Variants in ZFHX4 observed in about 807,000 individuals in gnomAD.
ZFHX4 encodes zinc finger homeobox protein 4.
Under a neutral mutation model 267.6 loss-of-function variants are expected in ZFHX4, and 56 were observed. That is an observed-to-expected ratio of 0.21 (90% CI 0.17 to 0.26). The LOEUF is 0.26. Among genes scored for constraint, ZFHX4 ranks in the 10% least tolerant of loss-of-function variants. The pLI is 1.00. For missense variants in ZFHX4, 4,332 were observed against 4,420.0 expected, an observed-to-expected ratio of 0.98 and a Z score of 0.56; for synonymous variants, 1,778 against 1,665.6, an observed-to-expected ratio of 1.07 and a Z score of -1.64.
intron 4 of ZFHX4, among the ~76,000 whole-genome samples, chr8:76,805,574 G>T (rs951848536): frequency 6.7e-6 from 1 of 150,212 alleles, no homozygotes; most frequent in Non-Finnish European, 1.5e-5. Context: ...TGTCCTTGGT[G>T]TGAATGACAC....
rs777298324 is a variant in ZFHX4 at position 76,854,015 on chromosome 8, C to T, written c.7094C>T (p.Thr2365Ile). 6.8e-6 allele frequency: 11 copies of T among 1,613,806 alleles called. No individual in the cohort carries two copies. The highest frequency in any genetic ancestry group is 4.0e-5 in the African/African-American group (3 of 74,890). The change falls in exon 10 of 11, where the codon ACA becomes ATA. Residue 2365 changes from threonine to isoleucine, a missense_variant. By Grantham distance (89) the Thr-to-Ile change is moderately conservative. Around this residue, in one of 7 missense-constraint regions of ZFHX4, gnomAD observed 1,648 missense variants for 1,625.0 expected, o/e 1.01. Coordinates refer to ENST00000651372, the MANE Select transcript of ZFHX4 (RefSeq NM_024721.5). ...ATDQVVYKHC[T>I]VSGQTDAAKN... is the part of the protein sequence containing the mutation. ...GATCAAGTGGTATACAAGCATTGCA[C>T]AGTGTCTGGCCAAACGGATGCAGCT...
chr8:76,709,098 A>G (rs1808355297), intron 3 of ZFHX4, among the ~76,000 whole-genome samples: 1 of 152,190 alleles, frequency 6.6e-6, no homozygotes, highest in Non-Finnish European at 1.5e-5. Flanking sequence ...TTCTAACACT[A>G]TTTAAAATTA....
intron 3 of ZFHX4, among the ~76,000 whole-genome samples, chr8:76,757,806 C>T (rs1011882618): frequency 6.6e-5 from 10 of 152,002 alleles, no homozygotes; most frequent in Admixed American, 2.0e-4. Flanking sequence ...TAAAGATGAG[C>T]GTGGGAGTAG....
chr8:76,735,852 G>A (rs1809145464), intron 3 of ZFHX4, among the ~76,000 whole-genome samples: 1 of 151,986 alleles, frequency 6.6e-6, no homozygotes, highest in South Asian at 2.1e-4. Context: ...TTCTTTCAAG[G>A]TAATTTAGTG....
Position 76,850,234 on chromosome 8 carries a change from G to A in ZFHX4, c.3847-11G>A, listed in dbSNP as rs778443634. On this transcript the variant is annotated splice_polypyrimidine_tract_variant and intron_variant, in intron 8 of 10. Transcript: ENST00000651372. ...GGGTACATTTAACATAAACCCCTTT[G>A]GTTTCCAAAGGTGCCTGTCCCTGAT... 11 of 1,604,492 alleles carry A rather than the reference G, an allele frequency of 6.9e-6. No individual in the cohort carries two copies. The highest frequency in any genetic ancestry group is 9.4e-6 in the Non-Finnish European group (11 of 1,174,786).
At chr8:76,863,042 C>A (rs1554576963) in intron 10 of ZFHX4, 52 bp from the exon 11 acceptor site, 2 of 1,455,804 alleles carry the variant, frequency 1.4e-6, no homozygotes, top group Non-Finnish European at 9.1e-7. Flanking sequence ...ATACAGCCTT[C>A]CGATGTTGGT....
rs202188141 is a variant in ZFHX4, at chr8:76,851,012, G to T, written c.4091G>T (p.Ser1364Ile). ...PLEVSEWNKN[S>I]SKDVKIPDTL... ...GAAGTCTCAGAATGGAATAAAAATA[G>T]CAGTAAGGATGTGAAAATCCCCGAC... The change falls in exon 10 of 11, where the codon AGC becomes ATC. Residue 1364 changes from serine (S) to isoleucine (I), a missense_variant. Physicochemically the swap from Ser to Ile is moderately radical, Grantham distance 142. This residue lies in a region of ZFHX4 where 1,371 missense variants were observed against 1,423.1 expected (regional missense o/e 0.96). Coordinates refer to ENST00000651372, the MANE Select transcript of ZFHX4 (RefSeq NM_024721.5). The T allele has an allele frequency of 2.6e-4, 414 of 1,613,914 alleles. No individual in the cohort carries two copies. The highest frequency in any genetic ancestry group is 1.3e-3 in the South Asian group (117 of 91,084).
chr8:76,810,103 A>C (rs2131842918), intron 4 of ZFHX4, among the ~76,000 whole-genome samples: 1 of 152,332 alleles, frequency 6.6e-6, no homozygotes, highest in East Asian at 1.9e-4. Context: ...GATGCCACAT[A>C]GTTTTAACAT....
intron 4 of ZFHX4, among the ~76,000 whole-genome samples, chr8:76,821,545 T>C (rs1020599326): frequency 6.6e-6 from 1 of 151,002 alleles, no homozygotes; most frequent in African/African-American, 2.4e-5. Context: ...TTTTTTTCAC[T>C]AGGCTGTCTA....
intron 3 of ZFHX4, among the ~76,000 whole-genome samples, chr8:76,739,602 C>A (rs1809262082): frequency 6.6e-6 from 1 of 151,642 alleles, no homozygotes; most frequent in African/African-American, 2.4e-5. Flanking sequence ...TTAATTGGGC[C>A]TAAGAATATT....
chr8:76,818,575 G>A (rs1478141210), intron 4 of ZFHX4, among the ~76,000 whole-genome samples: 1 of 152,018 alleles, frequency 6.6e-6, no homozygotes, highest in Non-Finnish European at 1.5e-5. Context: ...CATACTGGGA[G>A]GCTGGCACTG....
intron 3 of ZFHX4, among the ~76,000 whole-genome samples, chr8:76,741,975 A>C (rs1809329686): frequency 6.6e-6 from 1 of 152,172 alleles, no homozygotes; most frequent in South Asian, 2.1e-4. Flanking sequence ...TGAAGTTTTC[A>C]GTAGAATCTC....
chr8:76,861,196 G>GT (rs562555511), intron 10 of ZFHX4, among the ~76,000 whole-genome samples: 3 of 151,602 alleles, frequency 2.0e-5, no homozygotes, highest in Non-Finnish European at 2.9e-5. Context: ...CTTGCTGTCA[G>GT]TTTTTTTCTG....
chr8:76,708,471 AC>A (rs1386750817), intron 3 of ZFHX4, among the ~76,000 whole-genome samples: 1 of 152,070 alleles, frequency 6.6e-6, no homozygotes, highest in Non-Finnish European at 1.5e-5. Context: ...TTGTTTGGTG[AC>A]AAACAATGAC....
Position 76,708,047 on chromosome 8 carries a change from A to T in ZFHX4, c.3092A>T (p.Lys1031Met). 1 of 1,613,008 alleles carries T rather than the reference A, an allele frequency of 6.2e-7. No homozygotes were observed. Among genetic ancestry groups the T allele is most frequent in the Non-Finnish European group, 8.5e-7 (1 of 1,179,882 alleles). The change falls in exon 3 of 11, where the codon AAG becomes ATG. Residue 1031 changes from lysine (K) to methionine (M), a missense_variant and splice_region_variant. Transcript: ENST00000651372. Reference protein sequence around the residue: ...HRHEAALKLYKHLQKQEGAVN... With the variant: ...HRHEAALKLYMHLQKQEGAVN... Reference sequence around the variant, plus strand: ...CACGAGGCGGCCCTGAAGCTCTACAAGGTAAGCAGTGACATCCATTTCCGT... The same window carrying T: ...CACGAGGCGGCCCTGAAGCTCTACATGGTAAGCAGTGACATCCATTTCCGT...
rs142236116 is a variant in ZFHX4, at chr8:76,710,241, C to A, written c.3093+2193C>A. ...TGAGACTTGGTATTAGAAAATTGAACTTTATTCTTTTGCATTTTCTTTCAA... is the reference window on the plus strand; with the variant it reads ...TGAGACTTGGTATTAGAAAATTGAAATTTATTCTTTTGCATTTTCTTTCAA... On this transcript the variant is annotated intron_variant, in intron 3 of 10. Coordinates refer to ENST00000651372, the MANE Select transcript of ZFHX4 (RefSeq NM_024721.5). 4.8e-3 allele frequency among the ~76,000 whole-genome samples: 738 copies of A among 152,174 alleles called. 3 individuals carry two copies. The highest frequency in any genetic ancestry group is 0.017 in the African/African-American group (706 of 41,516).
Position 76,863,784 on chromosome 8 carries a change from C to T in ZFHX4, c.10070C>T (p.Pro3357Leu), listed in dbSNP as rs369439401. Residue 3357 changes from proline to leucine, a missense_variant, in exon 11 of 11, where the codon CCG (proline) becomes CTG (leucine). Coordinates refer to ENST00000651372, the MANE Select transcript of ZFHX4 (RefSeq NM_024721.5). ...AKTSKVESDQPQNSNDASETK... is the reference protein window; with the variant it reads ...AKTSKVESDQLQNSNDASETK... ...ACATCCAAAGTAGAAAGTGACCAGC[C>T]GCAAAACTCCAACGATGCTTCAGAA... The T allele has an allele frequency of 6.5e-5, 101 of 1,552,012 alleles. No individual in the cohort carries two copies. In the African/African-American group the frequency reaches 7.3e-4, roughly 11 times the overall value.
chr8:76,686,907 T>G (rs984732438), intron 1 of ZFHX4, among the ~76,000 whole-genome samples: 3 of 152,212 alleles, frequency 2.0e-5, no homozygotes, highest in African/African-American at 7.2e-5. Flanking sequence ...TTTCTGTGAC[T>G]GCCTAAGGGC....
chr8:76,730,711 A>T (rs1808985983), intron 3 of ZFHX4, among the ~76,000 whole-genome samples: 1 of 152,044 alleles, frequency 6.6e-6, no homozygotes. Context: ...AAAATAAATA[A>T]ATAAATAAAT....
Sources: allele counts gnomAD v4.1 joint callset (sites outside exome capture counted in the v4.1 genomes callset), GRCh38; gene constraint gnomAD v4.1.1; regional missense constraint gnomAD v4.1.1; transcripts MANE v1.5; gene names NCBI Gene and HGNC (gene_info 2026-07-23, HGNC 2026-07-21).